Variants in SLC25A24 observed in about 807,000 individuals in gnomAD.
SLC25A24 encodes the protein solute carrier family 25 member 24.
A neutral mutation model predicts 60.7 loss-of-function variants in SLC25A24; 49 were observed. The ratio of observed to expected loss-of-function variants is 0.81; its 90% CI spans 0.64 to 1.02. The LOEUF (loss-of-function observed/expected upper bound fraction) is 1.02, where lower values mean the gene tolerates loss of function less well. Ranked by LOEUF, SLC25A24 falls within the 50% of genes least tolerant of loss-of-function variation. The pLI is 0.00. For synonymous variants in SLC25A24, 202 were observed against 200.6 expected (o/e 1.01, Z -0.06); for missense variants, 564 against 586.3 (o/e 0.96, Z 0.39).
intron 1 of SLC25A24, among the ~76,000 whole-genome samples, chr1:108,196,186 T>TA (rs1052214267): frequency 1.3e-5 from 2 of 152,036 alleles, no homozygotes; most frequent in African/African-American, 2.4e-5. Flanking sequence ...AAGACAGAAT[T>TA]AAAAAAATCA....
At chr1:108,148,485 G>C (rs370728899) in intron 6 of SLC25A24, 99 bp from the exon 7 acceptor site, 8 of 721,536 alleles carry the variant, frequency 1.1e-5, no homozygotes, top group East Asian at 1.0e-4. Flanking sequence ...CCCATGTGAT[G>C]GTATTAGGAG....
chr1:108,152,555 C>T (rs534128417), intron 6 of SLC25A24, among the ~76,000 whole-genome samples: 1 of 152,272 alleles, frequency 6.6e-6, no homozygotes, highest in East Asian at 1.9e-4. Flanking sequence ...TGGGGTTTTG[C>T]CACGTTGCCC....
chr1:108,181,846 C>A, intron 3 of SLC25A24, 95 bp downstream of exon 3: 2 of 836,362 alleles, frequency 2.4e-6, no homozygotes, highest in Non-Finnish European at 4.1e-6. Flanking sequence ...ATAATGAAGA[C>A]TAGGGAGGTG....
chr1:108,179,502 G>A (rs904140679), intron 3 of SLC25A24, among the ~76,000 whole-genome samples: 2 of 151,862 alleles, frequency 1.3e-5, no homozygotes, highest in Admixed American at 6.6e-5. Flanking sequence ...GCCAAGATAC[G>A]GAATCAACCT....
chr1:108,178,047 C>G (rs1002123392), intron 3 of SLC25A24, among the ~76,000 whole-genome samples: 4 of 152,048 alleles, frequency 2.6e-5, no homozygotes, highest in Non-Finnish European at 4.4e-5. Flanking sequence ...CCTGTAGTCC[C>G]AGCGACTCGG....
intron 1 of SLC25A24, among the ~76,000 whole-genome samples, chr1:108,191,160 T>C (rs1330612168): frequency 2.9e-5 from 4 of 138,766 alleles, no homozygotes; most frequent in Non-Finnish European, 6.3e-5. Context: ...CTTTTTGAGA[T>C]GGAGTCTCAC....
chr1:108,160,441 G>C (rs1039804673), intron 4 of SLC25A24, among the ~76,000 whole-genome samples: 1 of 150,984 alleles, frequency 6.6e-6, no homozygotes, highest in Non-Finnish European at 1.5e-5. Context: ...TGGCGGCCGG[G>C]CAGAGACACT....
chr1:108,164,580 A>G (rs1426294361), intron 3 of SLC25A24, among the ~76,000 whole-genome samples: 1 of 150,226 alleles, frequency 6.7e-6, no homozygotes, highest in East Asian at 2.0e-4. Flanking sequence ...TTATTTGCAT[A>G]GAGGTGTTTG....
intron 3 of SLC25A24, among the ~76,000 whole-genome samples, chr1:108,180,923 G>T (rs1269110272): frequency 6.6e-6 from 1 of 152,212 alleles, no homozygotes; most frequent in Non-Finnish European, 1.5e-5. Context: ...ATAGGAATAT[G>T]ATTTCTGGCC....
chr1:108,161,173 T>C lies in SLC25A24; in HGVS notation c.510+9A>G, dbSNP rs372260277. ...TCCAAATAAGTATAAATACATAAAGTAGACTTACTGTAGAATGTTTCCAGA... is the reference window on the plus strand; with the variant it reads ...TCCAAATAAGTATAAATACATAAAGCAGACTTACTGTAGAATGTTTCCAGA... On this transcript the variant is annotated intron_variant, in intron 4 of 9. Transcript: ENST00000565488. 7.4e-7 allele frequency: 1 copy of C among 1,360,226 alleles called. No individual in the cohort carries two copies. The highest frequency in any genetic ancestry group is 1.2e-5 in the South Asian group (1 of 84,686). The allele number at this position is 1,360,226 out of a possible 1,614,324, so 84.3% of individuals were successfully genotyped here. A position where few individuals can be genotyped will look rare whatever the true frequency, so the allele number is the denominator to read the frequency against.
chr1:108,155,062 C>A lies in SLC25A24; in HGVS notation c.743G>T (p.Arg248Leu), dbSNP rs143348106. 6.2e-7 allele frequency: 1 copy of A among 1,612,116 alleles called. No individual in the cohort carries two copies. Among genetic ancestry groups the A allele is most frequent in the Non-Finnish European group, 8.5e-7 (1 of 1,178,792 alleles). ...FRQMVKEGGI[R>L]SLWRGNGTNV... Reference sequence around the variant, plus strand: ...TGTACCATTTCCCCTCCAAAGCGAGCGGATACCTCCTTCTTTTACCATCTG... The same window carrying A: ...TGTACCATTTCCCCTCCAAAGCGAGAGGATACCTCCTTCTTTTACCATCTG... Residue 248 changes from arginine (R) to leucine (L), a missense_variant, in exon 6 of 10, where the codon CGC (arginine) becomes CTC (leucine). Physicochemically the swap from Arg to Leu is moderately radical, Grantham distance 102. Transcript: ENST00000565488.
chr1:108,158,904 G>C (rs1679977290), intron 4 of SLC25A24, among the ~76,000 whole-genome samples: 1 of 152,170 alleles, frequency 6.6e-6, no homozygotes, highest in Non-Finnish European at 1.5e-5. Flanking sequence ...TCCGGTGGCT[G>C]AGGCAGGAGA....
chr1:108,186,697 A>C (rs1449471695), intron 1 of SLC25A24, among the ~76,000 whole-genome samples: 1 of 152,094 alleles, frequency 6.6e-6, no homozygotes, highest in Non-Finnish European at 1.5e-5. Context: ...CCAAAATATA[A>C]CCTATCTACC....
intron 6 of SLC25A24, 97 bp downstream of exon 6, chr1:108,154,886 T>C (rs1001453680): frequency 1.6e-5 from 14 of 902,270 alleles, no homozygotes; most frequent in Non-Finnish European, 2.2e-5. Context: ...TTATCATGTA[T>C]TAAAACAAGA....
At position 108,134,066 on chromosome 1, in the gene SLC25A24, T is replaced by C. The variant is rs1679213500; in HGVS notation, c.*2587A>G. 1.3e-5 allele frequency: 2 copies of C among 152,218 alleles called. No individual in the cohort carries two copies. Among genetic ancestry groups the C allele is most frequent in the African/African-American group, 4.8e-5 (2 of 41,462 alleles). The allele number at this position is 152,218 out of a possible 1,614,324, so 9.4% of individuals were successfully genotyped here. The stretch of plus-strand genomic sequence containing the variant: ...TCTCTGCTTGCATAAATTTATTCTC[T>C]TGACTGGGAGACAAGACTAATAGGT... On this transcript the variant is annotated 3_prime_UTR_variant, in exon 10 of 10. Coordinates refer to ENST00000565488, the MANE Select transcript of SLC25A24 (RefSeq NM_013386.5).
intron 3 of SLC25A24, among the ~76,000 whole-genome samples, chr1:108,177,334 A>G (rs1647711113): frequency 6.6e-6 from 1 of 152,204 alleles, no homozygotes; most frequent in Admixed American, 6.5e-5. Context: ...AAAAGACAGC[A>G]AGAGAGGAAG....
Position 108,200,184 on chromosome 1 carries a change from CGAGG to C in SLC25A24, c.-50_-47del. On this transcript the variant is annotated 5_prime_UTR_variant, in exon 1 of 10. Coordinates refer to ENST00000565488, the MANE Select transcript of SLC25A24 (RefSeq NM_013386.5). ...CCTGGCCGAGGAAGTCACGGGAGAT[CGAGG>C]GCTGCGGGGCGAGACCGGGACCAGC... is the stretch of plus-strand genomic sequence containing the variant. 6.7e-7 allele frequency: 1 copy of C among 1,502,344 alleles called. No individual in the cohort carries two copies. Among genetic ancestry groups the C allele is most frequent in the Admixed American group, 2.1e-5 (1 of 48,238 alleles). The allele number at this position is 1,502,344 out of a possible 1,614,324, so 93.1% of individuals were successfully genotyped here.
At chr1:108,159,062 T>C (rs1679983078) in intron 4 of SLC25A24, among the ~76,000 whole-genome samples, 3 of 152,034 alleles carry the variant, frequency 2.0e-5, no homozygotes, top group Admixed American at 1.3e-4. Flanking sequence ...CTTCAGAGAG[T>C]TCCTAAGGGT....
Position 108,139,128 on chromosome 1 carries a change from G to A in SLC25A24, c.1179C>T (p.Ala393=), listed in dbSNP as rs1679373647. 5 of 1,610,900 alleles carry A rather than the reference G, an allele frequency of 3.1e-6. No homozygotes were observed. The highest frequency in any genetic ancestry group is 4.2e-6 in the Non-Finnish European group (5 of 1,178,500). The change falls in exon 9 of 10, where the codon GCC becomes GCT. Residue 393 remains alanine (A), a synonymous_variant. Coordinates refer to ENST00000565488, the MANE Select transcript of SLC25A24 (RefSeq NM_013386.5). ...CCAGCTGACCACAGGTGCTGGATAA[G>A]GCACCGCATCCCAGCAACACCATGA... ...PGVMVLLGCG[A]LSSTCGQLAS...
Sources: allele counts gnomAD v4.1 joint callset (sites outside exome capture counted in the v4.1 genomes callset), GRCh38; gene constraint gnomAD v4.1.1; transcripts MANE v1.5; gene names NCBI Gene and HGNC (gene_info 2026-07-23, HGNC 2026-07-21).